Variants in ZNF365 observed in about 807,000 individuals in gnomAD.
ZNF365 encodes the protein protein ZNF365.
A neutral mutation model predicts 35.0 loss-of-function variants in ZNF365; 22 were observed. That is an observed-to-expected ratio of 0.63 (90% CI 0.45 to 0.90). The LOEUF is 0.90. Ranked by LOEUF, ZNF365 falls within the 40% of genes least tolerant of loss-of-function variation. ZNF365 has a pLI of 0.00. For missense variants in ZNF365, 448 were observed against 500.3 expected, an observed-to-expected ratio of 0.90 and a Z score of 1.00; for synonymous variants, 188 against 196.2, an observed-to-expected ratio of 0.96 and a Z score of 0.35.
chr10:62,450,615 C>T (rs1840665759), intron 3 of ZNF365, among the ~76,000 whole-genome samples: 1 of 152,180 alleles, frequency 6.6e-6, no homozygotes, highest in Non-Finnish European at 1.5e-5. Flanking sequence ...CTTTATTCTT[C>T]TCCAAGTAAA....
chr10:62,474,829 G>A (rs565729040), intron 4 of ZNF365, among the ~76,000 whole-genome samples: 1 of 152,344 alleles, frequency 6.6e-6, no homozygotes, highest in East Asian at 1.9e-4. Flanking sequence ...GGAGTTCACA[G>A]TGGAGTAGCT....
intron 4 of ZNF365, among the ~76,000 whole-genome samples, chr10:62,475,468 A>T (rs1347283935): frequency 1.3e-5 from 2 of 152,242 alleles, no homozygotes; most frequent in African/African-American, 4.8e-5. Flanking sequence ...ACATTTAAAG[A>T]TACTGTATAA....
At chr10:62,432,181 A>C (rs1390785306) in intron 3 of ZNF365, among the ~76,000 whole-genome samples, 2 of 152,268 alleles carry the variant, frequency 1.3e-5, no homozygotes, top group East Asian at 3.9e-4. Context: ...CCCTGTGAAC[A>C]TGGGCTCTGG....
At chr10:62,391,971 T>C (rs1330842514) in intron 3 of ZNF365, among the ~76,000 whole-genome samples, 9 of 152,236 alleles carry the variant, frequency 5.9e-5, no homozygotes. Flanking sequence ...TATCACATTG[T>C]GGTTTTGATT....
intron 3 of ZNF365, among the ~76,000 whole-genome samples, chr10:62,398,513 A>G (rs1040501678): frequency 1.3e-5 from 2 of 152,096 alleles, no homozygotes; most frequent in South Asian, 2.1e-4. Context: ...CTTCTCAGAA[A>G]TCTTAGAACA....
At chr10:62,459,702 G>C in intron 3 of ZNF365, 6 of 1,586,908 alleles carry the variant, frequency 3.8e-6, no homozygotes, top group Non-Finnish European at 4.3e-6. Flanking sequence ...CTACACACTA[G>C]CTCCATTCAT....
intron 3 of ZNF365, among the ~76,000 whole-genome samples, chr10:62,427,275 A>G (rs1840264623): frequency 6.6e-6 from 1 of 152,202 alleles, no homozygotes; most frequent in Non-Finnish European, 1.5e-5. Context: ...AGATTATAAT[A>G]CCATATTTTT....
At chr10:62,471,263 G>A (rs764870175) in intron 4 of ZNF365, among the ~76,000 whole-genome samples, 17 of 151,870 alleles carry the variant, frequency 1.1e-4, no homozygotes, top group Non-Finnish European at 2.2e-4. Context: ...CTACTCAGGA[G>A]GCTGAGGCAG....
At chr10:62,466,983 A>G (rs1840954587) in intron 4 of ZNF365, among the ~76,000 whole-genome samples, 2 of 152,002 alleles carry the variant, frequency 1.3e-5, no homozygotes, top group Non-Finnish European at 2.9e-5. Flanking sequence ...TGTATTTTTT[A>G]TAGAGATGGA....
At chr10:62,471,411 T>C (rs1841036359) in intron 4 of ZNF365, among the ~76,000 whole-genome samples, 1 of 151,976 alleles carries the variant, frequency 6.6e-6, no homozygotes, top group Non-Finnish European at 1.5e-5. Context: ...CTCATAATGA[T>C]TTGAAATAGC....
At chr10:62,462,470 G>A (rs1840863139) in intron 4 of ZNF365, among the ~76,000 whole-genome samples, 1 of 152,184 alleles carries the variant, frequency 6.6e-6, no homozygotes, top group African/African-American at 2.4e-5. Flanking sequence ...AGACCCTAAG[G>A]GTGGGTTTTC....
At chr10:62,456,410 A>G (rs1286830675) in intron 3 of ZNF365, among the ~76,000 whole-genome samples, 1 of 152,110 alleles carries the variant, frequency 6.6e-6, no homozygotes, top group Non-Finnish European at 1.5e-5. Flanking sequence ...AAGATGAGAA[A>G]TTATTTTGTG....
rs117809427 is a variant in ZNF365 at position 62,412,407 on chromosome 10, A to G, written c.924+23831A>G. 6.0e-3 allele frequency among the ~76,000 whole-genome samples: 910 copies of G among 152,268 alleles called. 7 individuals are homozygous for G. Among genetic ancestry groups the G allele is most frequent in the Middle Eastern group, 0.031 (9 of 294 alleles). On this transcript the variant is annotated intron_variant, in intron 3 of 4. Transcript: ENST00000395255. ...AAGTCTGTTGTTTCTTACCATTGCT[A>G]TTCAACATGGTATTGGAAGTTCTGG...
intron 3 of ZNF365, among the ~76,000 whole-genome samples, chr10:62,430,607 C>A (rs962795730): frequency 3.3e-5 from 5 of 152,112 alleles, no homozygotes; most frequent in Non-Finnish European, 7.4e-5. Flanking sequence ...ACTTAATCTG[C>A]CATAAAACTC....
chr10:62,463,498 A>C (rs1387421275), intron 4 of ZNF365, among the ~76,000 whole-genome samples: 1 of 152,238 alleles, frequency 6.6e-6, no homozygotes. Flanking sequence ...ACTCAGAAAA[A>C]GAGCCGGGAC....
intron 3 of ZNF365, among the ~76,000 whole-genome samples, chr10:62,415,097 A>G (rs10821996): frequency 0.63 from 95,710 of 151,904 alleles, 30,831 homozygotes; most frequent in East Asian, 0.84. Flanking sequence ...TTTTTTGAAC[A>G]TATTAATTAC....
rs1450662749 is a variant in ZNF365, at chr10:62,401,972, T to C, written c.*2183T>C. The C allele has an allele frequency of 2.0e-6, 2 of 985,492 alleles. No homozygotes were observed. Among genetic ancestry groups the C allele is most frequent in the African/African-American group, 3.5e-5 (2 of 57,246 alleles). The allele number at this position is 985,492 out of a possible 1,614,324, so 61.0% of individuals were successfully genotyped here. ...ACCCCATATAAAGAAATGTGTTATG[T>C]ATGTTGTGCCTCCTTAGAGACATAA... On this transcript the variant is annotated 3_prime_UTR_variant, in exon 5 of 5. Coordinates refer to ENST00000395254, the MANE Select transcript of ZNF365 (RefSeq NM_014951.3).
intron 3 of ZNF365, among the ~76,000 whole-genome samples, chr10:62,412,013 T>A (rs1453234356): frequency 6.6e-6 from 1 of 152,042 alleles, no homozygotes; most frequent in African/African-American, 2.4e-5. Context: ...GTATCCCTGA[T>A]GAACATTAAT....
intron 4 of ZNF365, among the ~76,000 whole-genome samples, chr10:62,475,731 C>T (rs1033947382): frequency 6.6e-5 from 10 of 152,246 alleles, no homozygotes; most frequent in African/African-American, 2.2e-4. Context: ...TTCACTGGCC[C>T]CGAGGGCACC....
Sources: allele counts gnomAD v4.1 joint callset (sites outside exome capture counted in the v4.1 genomes callset), GRCh38; gene constraint gnomAD v4.1.1; transcripts MANE v1.5; gene names NCBI Gene and HGNC (gene_info 2026-07-23, HGNC 2026-07-21).